Variants in PRPF8 observed in about 807,000 individuals in gnomAD.
The protein encoded by PRPF8 is pre-mRNA processing factor 8.
Under a neutral mutation model 285.9 loss-of-function variants are expected in PRPF8, and 64 were observed. The observed-to-expected ratio is 0.22, with a 90% CI of 0.18 to 0.28. The LOEUF (loss-of-function observed/expected upper bound fraction) is 0.28, where lower values mean the gene tolerates loss of function less well. Ranked by LOEUF, PRPF8 falls within the 10% of genes least tolerant of loss-of-function variation. PRPF8 has a pLI of 1.00. For synonymous variants in PRPF8, 1,325 were observed against 1,118.2 expected, an observed-to-expected ratio of 1.18 and a Z score of -3.69; for missense variants, 1,426 against 3,026.7, an observed-to-expected ratio of 0.47 and a Z score of 12.41.
In PRPF8 at chr17:1,658,413, TACACA is replaced by T; in HGVS notation, c.5377-37_5377-33del. ...GAGGACGGCATTCGTTAGCATGGCCTACACAACACATCCCCATCCTGCCTTCTTCC... is the reference window on the plus strand; with the variant it reads ...GAGGACGGCATTCGTTAGCATGGCCTACACATCCCCATCCTGCCTTCTTCC... On this transcript the variant is annotated intron_variant, in intron 33 of 42. Coordinates refer to ENST00000304992, the MANE Select transcript of PRPF8 (RefSeq NM_006445.4). This position sits in a 1 kb window ranked among gnomAD's most constrained non-coding sequence, Gnocchi z 4.1. 2 of 1,614,216 alleles carry T rather than the reference TACACA, an allele frequency of 1.2e-6. No individual in the cohort carries two copies. Among genetic ancestry groups the T allele is most frequent in the African/African-American group, 1.3e-5 (1 of 75,040 alleles).
rs148153505 is a variant in PRPF8 at position 1,656,777 on chromosome 17, G to C, written c.5506-16C>G. The C allele has an allele frequency of 6.2e-7, 1 of 1,608,560 alleles. No homozygotes were observed. The highest frequency in any genetic ancestry group is 1.1e-5 in the South Asian group (1 of 90,688). ...ACTTAGCCAACTTAAAAGCAAGAGA[G>C]AAGAAAATGGAAATTTAGTCTCTAC... On this transcript the variant is annotated splice_polypyrimidine_tract_variant and intron_variant, in intron 34 of 42. Transcript: ENST00000304992.
chr17:1,654,958 CTT>C (rs922886665), intron 37 of PRPF8: 1,469 of 158,192 alleles, frequency 9.3e-3, no homozygotes, highest in South Asian at 0.027. Context: ...TGAGAAACGT[CTT>C]TTTTTTTTTT....
At position 1,659,183 on chromosome 17, in the gene PRPF8, G is replaced by A. The variant is rs1038197334; in HGVS notation, c.5138+174C>T. On this transcript the variant is annotated intron_variant, in intron 32 of 42. Coordinates refer to ENST00000304992, the MANE Select transcript of PRPF8 (RefSeq NM_006445.4). This position sits in a 1 kb window ranked among gnomAD's most constrained non-coding sequence, Gnocchi z 5.1. ...TGGGACTACAGGCGTGGACCACCAC[G>A]CCCAGCTAATTTTTTGTATTTTGGT... is the stretch of plus-strand genomic sequence containing the variant. 4 of 749,516 alleles carry A rather than the reference G, an allele frequency of 5.3e-6. No individual in the cohort carries two copies. The highest frequency in any genetic ancestry group is 3.5e-5 in the African/African-American group (2 of 57,306). 46.4% of individuals were successfully genotyped at this position (749,516 alleles called of 1,614,324 possible).
chr17:1,673,020 G>C lies in PRPF8; in HGVS notation c.3774+61C>G, dbSNP rs972101521. 6.9e-7 allele frequency: 1 copy of C among 1,457,652 alleles called. No individual in the cohort carries two copies. 90.3% of individuals were successfully genotyped at this position (1,457,652 alleles called of 1,614,324 possible). A position where few individuals can be genotyped will look rare whatever the true frequency, so the allele number is the denominator to read the frequency against. Reference sequence around the variant, plus strand: ...GCCAGCAGGGGACGAAGTGAAAGGGGTGTGAAATGAGCAGAGGACAGCAGA... The same window carrying C: ...GCCAGCAGGGGACGAAGTGAAAGGGCTGTGAAATGAGCAGAGGACAGCAGA... On this transcript the variant is annotated intron_variant, in intron 24 of 42. Coordinates refer to ENST00000304992, the MANE Select transcript of PRPF8 (RefSeq NM_006445.4). This position sits in a 1 kb window ranked among gnomAD's most constrained non-coding sequence, Gnocchi z 5.5.
rs767634922 is a variant in PRPF8, at chr17:1,651,560, G to A, written c.6511-7C>T. 1 of 1,614,070 alleles carries A rather than the reference G, an allele frequency of 6.2e-7. No homozygotes were observed. The highest frequency in any genetic ancestry group is 1.1e-5 in the South Asian group (1 of 91,086). ...AACCTAAGGGTTCCATCTCCTATAGGTAAAGAGGAGTACAGAGCTGAATCC... is the reference window on the plus strand; with the variant it reads ...AACCTAAGGGTTCCATCTCCTATAGATAAAGAGGAGTACAGAGCTGAATCC... On this transcript the variant is annotated splice_polypyrimidine_tract_variant and splice_region_variant and intron_variant, in intron 40 of 42. Coordinates refer to ENST00000304992, the MANE Select transcript of PRPF8 (RefSeq NM_006445.4). The surrounding 1 kb of genome is among the most constrained non-coding windows in gnomAD (Gnocchi z 5.1).
Position 1,655,666 on chromosome 17 carries a change from G to T in PRPF8, c.5794-123C>A. On this transcript the variant is annotated intron_variant, in intron 36 of 42. Coordinates refer to ENST00000304992, the MANE Select transcript of PRPF8 (RefSeq NM_006445.4). Reference sequence around the variant, plus strand: ...TTTTGAGACAGAGTCTTGCTCTGTCGCCCAGGCTGGAGTGCAGTGGCATGA... The same window carrying T: ...TTTTGAGACAGAGTCTTGCTCTGTCTCCCAGGCTGGAGTGCAGTGGCATGA... The T allele has an allele frequency of 3.6e-6, 3 of 844,128 alleles. No homozygotes were observed. In the South Asian group the frequency reaches 4.4e-5, roughly 12 times the overall value. 52.3% of individuals were successfully genotyped at this position (844,128 alleles called of 1,614,324 possible).
At chr17:1,660,640 C>A in intron 29 of PRPF8, 58 bp downstream of exon 29, 1 of 1,614,160 alleles carries the variant, frequency 6.2e-7, no homozygotes. Flanking sequence ...ACGACATAAC[C>A]AAGGCAAGAA....
Position 1,655,755 on chromosome 17 carries a change from T to G in PRPF8, c.5794-212A>C, listed in dbSNP as rs371228006. 2.5e-4 allele frequency among the ~76,000 whole-genome samples: 38 copies of G among 151,630 alleles called. 2 individuals are homozygous for G. The East Asian group carries it at 6.2e-3, about 25-fold the overall frequency. On this transcript the variant is annotated intron_variant, in intron 36 of 42. Coordinates refer to ENST00000304992, the MANE Select transcript of PRPF8 (RefSeq NM_006445.4). ...CATTCTCCTGCCTCAGCCTCCCGAA[T>G]AGCTGGGATGACAGGCACCTGCCAC...
rs1440746972 is a variant in PRPF8 at position 1,673,678 on chromosome 17, T to G, written c.3446+68A>C. 4.3e-6 allele frequency: 7 copies of G among 1,612,252 alleles called. No individual in the cohort carries two copies. Among genetic ancestry groups the G allele is most frequent in the Non-Finnish European group, 5.9e-6 (7 of 1,179,376 alleles). On this transcript the variant is annotated intron_variant, in intron 22 of 42. Coordinates refer to ENST00000304992, the MANE Select transcript of PRPF8 (RefSeq NM_006445.4). The surrounding 1 kb of genome is among the most constrained non-coding windows in gnomAD (Gnocchi z 5.5). Reference sequence around the variant, plus strand: ...CGCCTCTCCCACCCAGGACGCAGCCTCAGGTATGCCCTCTCTGGGCCCTTA... The same window carrying G: ...CGCCTCTCCCACCCAGGACGCAGCCGCAGGTATGCCCTCTCTGGGCCCTTA...
chr17:1,660,374 C>T, intron 30 of PRPF8, 58 bp downstream of exon 30: 1 of 1,611,524 alleles, frequency 6.2e-7, no homozygotes. Context: ...TACCCTCTCC[C>T]CTCAATTCCA....
intron 36 of PRPF8, 21 bp downstream of exon 36, chr17:1,656,368 ATCT>A (rs1262536994): frequency 2.5e-6 from 4 of 1,614,040 alleles, no homozygotes; most frequent in African/African-American, 2.7e-5. Flanking sequence ...TCCTCCAGCG[ATCT>A]TCTCTTCCCG....
At chr17:1,656,243 T>C (rs1911378682) in intron 36 of PRPF8, 149 bp downstream of exon 36, 1 of 1,068,600 alleles carries the variant, frequency 9.4e-7, no homozygotes, top group Non-Finnish European at 1.4e-6. Context: ...ATTTTTAACT[T>C]TAAGGTCTTA....
intron 24 of PRPF8, among the ~76,000 whole-genome samples, chr17:1,669,155 G>A (rs1360591459): frequency 6.6e-6 from 1 of 152,158 alleles, no homozygotes; most frequent in African/African-American, 2.4e-5. Context: ...CGCCGAGGCT[G>A]GGGTGCAGTG....
chr17:1,670,162 T>C (rs925791247), intron 24 of PRPF8, among the ~76,000 whole-genome samples: 4 of 152,212 alleles, frequency 2.6e-5, no homozygotes, highest in Admixed American at 1.3e-4. Flanking sequence ...TATATGTACT[T>C]AAATATGTAT....
Position 1,676,757 on chromosome 17 carries a change from T to C in PRPF8, c.2182-46A>G. 1 of 1,600,628 alleles carries C rather than the reference T, an allele frequency of 6.2e-7. No homozygotes were observed. Among genetic ancestry groups the C allele is most frequent in the Non-Finnish European group, 8.5e-7 (1 of 1,170,712 alleles). ...ATCAAGCCAGGATCCAGCCAGGCAC[T>C]GTGGCACACATCTGTAGTCCCGGCT... is the stretch of plus-strand genomic sequence containing the variant. On this transcript the variant is annotated intron_variant, in intron 15 of 42. Coordinates refer to ENST00000304992, the MANE Select transcript of PRPF8 (RefSeq NM_006445.4). The surrounding 1 kb of genome is among the most constrained non-coding windows in gnomAD (Gnocchi z 6.3).
chr17:1,666,792 T>C (rs1567682976), intron 24 of PRPF8, among the ~76,000 whole-genome samples: 1 of 152,068 alleles, frequency 6.6e-6, no homozygotes, highest in African/African-American at 2.4e-5. Flanking sequence ...GAGAAAAGAC[T>C]GCAGGTGAGA....
intron 1 of PRPF8, 44 bp downstream of exon 1, chr17:1,684,736 C>G (rs975039885): frequency 1.2e-4 from 84 of 695,044 alleles, no homozygotes; most frequent in Non-Finnish European, 3.8e-5. Flanking sequence ...CGGCCCGACC[C>G]GACCACGCCT....
chr17:1,663,710 CAAAAAAAAAAAAAAAAA>C (rs58454297), intron 24 of PRPF8, among the ~76,000 whole-genome samples: 3 of 17,096 alleles, frequency 1.8e-4, no homozygotes, highest in Non-Finnish European at 1.2e-4. Flanking sequence ...GACTCCATCT[CAAAAAAAAAAAAAAAAA>C]AAAAAAAAAA....
At chr17:1,666,640 T>C (rs1912003308) in intron 24 of PRPF8, among the ~76,000 whole-genome samples, 1 of 151,880 alleles carries the variant, frequency 6.6e-6, no homozygotes, top group African/African-American at 2.4e-5. Context: ...TAAAACAAGA[T>C]AGCAAACCAC....
Sources: gnomAD v4.1 joint callset for allele counts (sites outside exome capture counted in the v4.1 genomes callset) on GRCh38, gnomAD v4.1.1 for gene constraint, Gnocchi (gnomAD v3.1) non-coding constraint, MANE v1.5 for transcripts, NCBI Gene and HGNC (gene_info 2026-07-23, HGNC 2026-07-21) for gene names.